PRDM1: variants seen among roughly 807,000 people sequenced by gnomAD.
PRDM1 encodes PR/SET domain 1.
Under a neutral mutation model 62.8 loss-of-function variants are expected in PRDM1, and 13 were observed. That is an observed-to-expected ratio of 0.21 (90% CI 0.13 to 0.33). The LOEUF (loss-of-function observed/expected upper bound fraction) is 0.33, where lower values mean the gene tolerates loss of function less well. Ranked by LOEUF, PRDM1 falls within the 10% of genes least tolerant of loss-of-function variation. The probability of loss-of-function intolerance (pLI) is 1.00; values close to 1 mark genes in which losing one functional copy is unlikely to be tolerated. For synonymous variants in PRDM1, 396 were observed against 417.6 expected, an observed-to-expected ratio of 0.95 and a Z score of 0.63; for missense variants, 895 against 1,058.8, an observed-to-expected ratio of 0.85 and a Z score of 2.15.
intron 1 of PRDM1, among the ~76,000 whole-genome samples, chr6:106,052,645 C>G (rs979439103): frequency 2.6e-5 from 4 of 151,982 alleles, no homozygotes; most frequent in African/African-American, 9.7e-5. Context: ...GAATACGTCT[C>G]AACTAGATGA....
chr6:106,006,223 T>C (rs528668502), intron 1 of PRDM1, among the ~76,000 whole-genome samples: 16 of 152,364 alleles, frequency 1.1e-4, no homozygotes, highest in African/African-American at 2.9e-4. Flanking sequence ...CAGCCAAGAC[T>C]GATGGATGAC....
chr6:106,064,417 T>TGG (rs1773394105), intron 1 of PRDM1, among the ~76,000 whole-genome samples: 1 of 151,386 alleles, frequency 6.6e-6, no homozygotes, highest in Non-Finnish European at 1.5e-5. Context: ...AAAACACAGG[T>TGG]GGATGTTTTT....
intron 1 of PRDM1, among the ~76,000 whole-genome samples, chr6:106,004,386 C>A (rs534015240): frequency 4.2e-3 from 632 of 152,212 alleles, no homozygotes; most frequent in Admixed American, 8.5e-3. Flanking sequence ...GGTTTAGAAA[C>A]CTTTTATTTG....
chr6:106,099,633 A>T, intron 4 of PRDM1, 81 bp downstream of exon 4: 1 of 1,543,886 alleles, frequency 6.5e-7, no homozygotes, highest in South Asian at 1.2e-5. Context: ...ATGTTGTTTA[A>T]TTATACGGCT....
chr6:106,056,462 C>A (rs1773269436), intron 1 of PRDM1, among the ~76,000 whole-genome samples: 1 of 152,348 alleles, frequency 6.6e-6, no homozygotes, highest in South Asian at 2.1e-4. Context: ...CATATCTGAT[C>A]TGCTCCAGTA....
Position 106,108,310 on chromosome 6 carries a change from C to A in PRDM1, c.*824C>A, listed in dbSNP as rs1231575534. On this transcript the variant is annotated 3_prime_UTR_variant, in exon 7 of 7. Coordinates refer to ENST00000369096, the MANE Select transcript of PRDM1 (RefSeq NM_001198.4). ...TCTCTCCCTCCAAAAGAGCAGAATC[C>A]TCCCACCGCCCTGCCCTCCCCACCG... 2 of 233,666 alleles carry A rather than the reference C, an allele frequency of 8.6e-6. No individual in the cohort carries two copies. Among genetic ancestry groups the A allele is most frequent in the Non-Finnish European group, 8.5e-6 (1 of 118,012 alleles). 14.5% of individuals were successfully genotyped at this position (233,666 alleles called of 1,614,324 possible). A position where few individuals can be genotyped will look rare whatever the true frequency, so the allele number is the denominator to read the frequency against.
chr6:106,084,198 G>T (rs1393013572), upstream of PRDM1, among the ~76,000 whole-genome samples: 5 of 152,012 alleles, frequency 3.3e-5, no homozygotes, highest in African/African-American at 1.2e-4. Flanking sequence ...ACATGTGAAG[G>T]ACTTTACATT....
At chr6:106,053,697 G>A (rs774718432) in intron 1 of PRDM1, among the ~76,000 whole-genome samples, 5 of 152,150 alleles carry the variant, frequency 3.3e-5, no homozygotes, top group Non-Finnish European at 5.9e-5. Context: ...TTGGGACCTA[G>A]TTATTGAGTA....
Position 106,088,332 on chromosome 6 carries a change from T to C in PRDM1, c.174T>C (p.Cys58=). ...CAGAGGCTGAGTTTGAAGAGAAGTG[T>C]ACATACATTGTGAACGACCACCCCT... The part of the protein sequence containing the change: ...LWTEAEFEEK[C]TYIVNDHPWD... Residue 58 remains cysteine (C), a synonymous_variant, in exon 2 of 7, where the codon TGT becomes TGC. Transcript: ENST00000369096. 1.2e-6 allele frequency: 2 copies of C among 1,614,112 alleles called. No homozygotes were observed. Among genetic ancestry groups the C allele is most frequent in the Non-Finnish European group, 1.7e-6 (2 of 1,180,034 alleles).
chr6:106,048,196 T>C (rs570138155), upstream of PRDM1, among the ~76,000 whole-genome samples: 1 of 128,262 alleles, frequency 7.8e-6, no homozygotes, highest in Non-Finnish European at 1.6e-5. Context: ...CCGGACAACG[T>C]AGGGAGACCC....
At chr6:105,992,922 C>A (rs745998797), upstream of PRDM1, among the ~76,000 whole-genome samples, 7 of 152,186 alleles carry the variant, frequency 4.6e-5, no homozygotes, top group Non-Finnish European at 1.0e-4. Flanking sequence ...GGCCTCAGTT[C>A]TCTCTGGTTT....
chr6:106,069,748 T>TA (rs1773482347), intron 1 of PRDM1, among the ~76,000 whole-genome samples: 2 of 152,338 alleles, frequency 1.3e-5, no homozygotes, highest in South Asian at 4.2e-4. Flanking sequence ...TTCTGCTGGA[T>TA]AAAAAATGCA....
chr6:106,080,654 T>A (rs527939737), intron 1 of PRDM1, among the ~76,000 whole-genome samples: 1 of 152,322 alleles, frequency 6.6e-6, no homozygotes, highest in South Asian at 2.1e-4. Flanking sequence ...GCTTTAATTG[T>A]CTATTGTCAG....
At chr6:105,997,000 T>C in intron 1 of PRDM1, among the ~76,000 whole-genome samples, 1 of 152,264 alleles carries the variant, frequency 6.6e-6, no homozygotes, top group South Asian at 2.1e-4. Context: ...TAGGATTCTT[T>C]CACTTATCTG....
chr6:106,098,880 G>A lies in PRDM1; in HGVS notation c.412-420G>A, dbSNP rs577273988. On this transcript the variant is annotated intron_variant, in intron 3 of 6. Coordinates refer to ENST00000369096, the MANE Select transcript of PRDM1 (RefSeq NM_001198.4). Reference sequence around the variant, plus strand: ...AAGACTCAGTTTGACGTCGTCAGCCGGCTTGGTCTTCTACCCAGTGACTCA... The same window carrying A: ...AAGACTCAGTTTGACGTCGTCAGCCAGCTTGGTCTTCTACCCAGTGACTCA... 6.6e-6 allele frequency: 10 copies of A among 1,512,046 alleles called. No individual in the cohort carries two copies. In the African/African-American group the frequency reaches 8.3e-5, roughly 13 times the overall value. 93.7% of individuals were successfully genotyped at this position (1,512,046 alleles called of 1,614,324 possible).
rs1055850844 is a variant in PRDM1 at position 106,108,954 on chromosome 6, A to G, written c.*1468A>G. On this transcript the variant is annotated 3_prime_UTR_variant, in exon 7 of 7. Transcript: ENST00000369096. The stretch of plus-strand genomic sequence containing the variant: ...TTTTATTCTGCTAAGCCCAAAGATT[A>G]CATGTTGGTGTTCAAAGTGTAGCAA... The G allele has an allele frequency of 4.4e-6, 1 of 226,132 alleles. No homozygotes were observed. Among genetic ancestry groups the G allele is most frequent in the African/African-American group, 2.2e-5 (1 of 44,964 alleles). 14.0% of individuals were successfully genotyped at this position (226,132 alleles called of 1,614,324 possible).
chr6:106,076,547 T>C (rs544647503), intron 1 of PRDM1, among the ~76,000 whole-genome samples: 2 of 152,210 alleles, frequency 1.3e-5, no homozygotes, highest in Non-Finnish European at 2.9e-5. Context: ...TTTCTCTGAA[T>C]AATTTAAAAC....
intron 4 of PRDM1, among the ~76,000 whole-genome samples, chr6:106,103,999 T>G (rs1452035207): frequency 2.0e-5 from 3 of 152,204 alleles, no homozygotes; most frequent in Non-Finnish European, 4.4e-5. Flanking sequence ...ATAGGCAGTT[T>G]GAACAGGGCT....
At chr6:106,104,620 G>A (rs969576568) in intron 4 of PRDM1, among the ~76,000 whole-genome samples, 2 of 152,150 alleles carry the variant, frequency 1.3e-5, no homozygotes, top group Non-Finnish European at 2.9e-5. Flanking sequence ...GCCATTGTCC[G>A]CATTTTGCTG....
Sources: gnomAD v4.1 joint callset for allele counts (sites outside exome capture counted in the v4.1 genomes callset) on GRCh38, gnomAD v4.1.1 for gene constraint, MANE v1.5 for transcripts, NCBI Gene and HGNC (gene_info 2026-07-23, HGNC 2026-07-21) for gene names.